The following VAC14 variants were observed in gnomAD, a reference collection of about 807,000 sequenced individuals.
The protein encoded by VAC14 is VAC14 component of PIKFYVE complex.
A neutral mutation model predicts 85.3 loss-of-function variants in VAC14; 47 were observed. The ratio of observed to expected loss-of-function variants is 0.55; its 90% confidence interval spans 0.44 to 0.70. VAC14 has a LOEUF of 0.70. VAC14 is among the 30% of genes least tolerant of loss of function. VAC14 has a pLI of 0.00. For missense variants in VAC14, 861 were observed against 1,004.3 expected (o/e 0.86, Z 1.93); for synonymous variants, 447 against 430.5 (o/e 1.04, Z -0.47).
intron 13 of VAC14, among the ~76,000 whole-genome samples, chr16:70,738,632 G>A (rs1003634210): frequency 2.6e-5 from 4 of 152,230 alleles, no homozygotes; most frequent in Non-Finnish European, 5.9e-5. Flanking sequence ...GGACAAGGGA[G>A]GGCCTGGCAG....
chr16:70,725,320 C>T (rs961615711), intron 14 of VAC14, among the ~76,000 whole-genome samples: 1 of 152,190 alleles, frequency 6.6e-6, no homozygotes, highest in South Asian at 2.1e-4. Context: ...TGCAGACGGC[C>T]GGTGGCCTTG....
At chr16:70,747,247 T>C (rs2030974436) in intron 12 of VAC14, 3 of 151,966 alleles carry the variant, frequency 2.0e-5, no homozygotes, top group African/African-American at 7.3e-5. Context: ...GATGACTCCA[T>C]TAACAGGCAA....
At chr16:70,728,922 G>C (rs1470119614) in intron 14 of VAC14, among the ~76,000 whole-genome samples, 1 of 152,158 alleles carries the variant, frequency 6.6e-6, no homozygotes, top group Non-Finnish European at 1.5e-5. Flanking sequence ...CCTGGTGGGG[G>C]GGCCTCTTGC....
At chr16:70,694,834 C>T (rs190325369) in intron 17 of VAC14, among the ~76,000 whole-genome samples, 2 of 152,372 alleles carry the variant, frequency 1.3e-5, no homozygotes, top group African/African-American at 2.4e-5. Flanking sequence ...GCCAACTCTT[C>T]TTTCAGAGAG....
In VAC14 at chr16:70,780,815, C is replaced by T; in HGVS notation, c.1071G>A (p.Leu357=). ...CACTGGCTGTGCCCTCCTGCTTTGG[C>T]AGGGCATCGTCAGGGGTGGGCTCTG... ...RQAEPTPDDA[L]PKQEGTASGG... The change falls in exon 9 of 19, where the codon CTG becomes CTA. Residue 357 remains leucine, a synonymous_variant. Coordinates refer to ENST00000261776, the MANE Select transcript of VAC14 (RefSeq NM_018052.5). 1 of 1,608,098 alleles carries T rather than the reference C, an allele frequency of 6.2e-7. No homozygotes were observed. Among genetic ancestry groups the T allele is most frequent in the South Asian group, 1.1e-5 (1 of 90,516 alleles).
At position 70,713,379 on chromosome 16, in the gene VAC14, C is replaced by T. The variant is rs371226081; in HGVS notation, c.1662-14568G>A. Among the ~76,000 whole-genome samples the T allele has an allele frequency of 1.1e-4, 16 of 152,350 alleles. 1 individual carries two copies. The South Asian group carries it at 2.1e-3, about 20-fold the overall frequency. Reference sequence around the variant, plus strand: ...AGGATGGAAACGCTGACCACAGTTCCGCCCTGAAGACCACCATTCTGGGTG... The same window carrying T: ...AGGATGGAAACGCTGACCACAGTTCTGCCCTGAAGACCACCATTCTGGGTG... On this transcript the variant is annotated intron_variant, in intron 14 of 18. Transcript: ENST00000261776.
At chr16:70,776,480 C>CT (rs1185311286) in intron 9 of VAC14, among the ~76,000 whole-genome samples, 2 of 152,200 alleles carry the variant, frequency 1.3e-5, no homozygotes, top group African/African-American at 4.8e-5. Flanking sequence ...TTTCTTCTGA[C>CT]TTAAAAGAGC....
At chr16:70,781,287 C>T (rs1480749686) in intron 8 of VAC14, among the ~76,000 whole-genome samples, 4 of 152,204 alleles carry the variant, frequency 2.6e-5, no homozygotes, top group Non-Finnish European at 2.9e-5. Context: ...ACCATGCCTC[C>T]TGTAGAGTCT....
intron 16 of VAC14, 165 bp downstream of exon 16, chr16:70,696,974 C>T (rs2053725133): frequency 1.7e-6 from 1 of 599,132 alleles, no homozygotes; most frequent in Admixed American, 2.8e-5. Context: ...TACGTCCCTC[C>T]CCTCCCAGTG....
intron 14 of VAC14, chr16:70,731,174 C>T (rs1255199725): frequency 1.6e-5 from 11 of 683,774 alleles, no homozygotes; most frequent in Non-Finnish European, 2.1e-5. Context: ...CGCCATCTGG[C>T]TCACCTCCTT....
chr16:70,797,350 T>G (rs1186990634), intron 1 of VAC14, among the ~76,000 whole-genome samples: 1 of 152,100 alleles, frequency 6.6e-6, no homozygotes, highest in African/African-American at 2.4e-5. Flanking sequence ...TACAGGATAA[T>G]CTCTCTATTT....
chr16:70,699,252 C>T (rs1199300360), intron 14 of VAC14: 2 of 195,194 alleles, frequency 1.0e-5, no homozygotes, highest in Non-Finnish European at 2.1e-5. Flanking sequence ...CTCCACACAT[C>T]GGTCACCTGT....
At chr16:70,791,277 T>A (rs1399781187) in intron 1 of VAC14, among the ~76,000 whole-genome samples, 1 of 152,220 alleles carries the variant, frequency 6.6e-6, no homozygotes, top group Non-Finnish European at 1.5e-5. Context: ...TCCCACGAAG[T>A]GAGCGCAGAA....
rs905966335 is a variant in VAC14, at chr16:70,784,703, A to C, written c.486+73T>G. 42 of 1,390,790 alleles carry C rather than the reference A, an allele frequency of 3.0e-5. No individual in the cohort carries two copies. The South Asian group carries it at 4.8e-4, about 16-fold the overall frequency. 86.2% of individuals were successfully genotyped at this position (1,390,790 alleles called of 1,614,324 possible). ...ATTCAAGAAGAACATTCCCAATGAC[A>C]GAATTTCTAAGCTTTACAGACAGAC... On this transcript the variant is annotated intron_variant, in intron 4 of 18. Coordinates refer to ENST00000261776, the MANE Select transcript of VAC14 (RefSeq NM_018052.5).
chr16:70,770,863 A>T (rs1551529), intron 10 of VAC14: 27,970 of 152,184 alleles, frequency 0.18, 3,828 homozygotes, highest in African/African-American at 0.39. Flanking sequence ...CATTTCATAA[A>T]CGGCTGCACC....
intron 14 of VAC14, among the ~76,000 whole-genome samples, chr16:70,725,000 G>A (rs996932558): frequency 5.3e-5 from 8 of 152,348 alleles, no homozygotes; most frequent in South Asian, 2.1e-4. Flanking sequence ...TTTTTATCCT[G>A]AACAAATGAA....
intron 14 of VAC14, among the ~76,000 whole-genome samples, chr16:70,730,091 C>A (rs1181161340): frequency 1.3e-5 from 2 of 151,976 alleles, no homozygotes; most frequent in Non-Finnish European, 2.9e-5. Flanking sequence ...CTCCCTCTCC[C>A]CTCACTCTCT....
chr16:70,753,496 C>T (rs1204603275), intron 12 of VAC14, among the ~76,000 whole-genome samples: 2 of 152,150 alleles, frequency 1.3e-5, no homozygotes, highest in Non-Finnish European at 2.9e-5. Flanking sequence ...GGGTGAAAAC[C>T]GGGGGCCCTG....
At chr16:70,691,552 G>A in intron 18 of VAC14, 3 of 985,462 alleles carry the variant, frequency 3.0e-6, no homozygotes, top group Non-Finnish European at 3.6e-6. Context: ...CTGCTCCCCT[G>A]GGGACACTGC....
Sources: gnomAD v4.1 joint callset for allele counts (sites outside exome capture counted in the v4.1 genomes callset) on GRCh38, gnomAD v4.1.1 for gene constraint, MANE v1.5 for transcripts, NCBI Gene and HGNC (gene_info 2026-07-23, HGNC 2026-07-21) for gene names.